The following CCDC146 variants were observed in gnomAD, a reference collection of about 807,000 sequenced individuals.
CCDC146 encodes coiled-coil domain containing 146, also known as coiled-coil domain-containing protein 146.
In CCDC146, 92 loss-of-function variants were observed where a neutral mutation model predicts 119.3. That is an observed-to-expected ratio of 0.77 (90% confidence interval 0.65 to 0.92). CCDC146 has a LOEUF of 0.92. CCDC146 is among the 40% of genes least tolerant of loss of function. The probability of loss-of-function intolerance (pLI) is 0.00; values close to 1 mark genes in which losing one functional copy is unlikely to be tolerated. For missense variants in CCDC146, 1,000 were observed against 1,103.0 expected (o/e 0.91, Z 1.32); for synonymous variants, 372 against 371.8 (o/e 1.00, Z -0.01).
chr7:77,144,207 G>A (rs1790980284), intron 1 of CCDC146, among the ~76,000 whole-genome samples: 3 of 151,360 alleles, frequency 2.0e-5, no homozygotes, highest in Admixed American at 1.3e-4. Context: ...TCATGATTTG[G>A]CTCTCTGTTT....
At chr7:77,159,671 G>T (rs1584032341) in intron 1 of CCDC146, among the ~76,000 whole-genome samples, 1 of 152,112 alleles carries the variant, frequency 6.6e-6, no homozygotes, top group Non-Finnish European at 1.5e-5. Flanking sequence ...TGGATAATAA[G>T]GAAGGTTTAT....
rs368720807 is a variant in CCDC146 at position 77,295,048 on chromosome 7, G to A, written c.*182G>A. The A allele has an allele frequency of 1.2e-5, 7 of 590,808 alleles. No homozygotes were observed. Among genetic ancestry groups the A allele is most frequent in the East Asian group, 2.8e-5 (1 of 35,512 alleles). The allele number at this position is 590,808 out of a possible 1,614,324, so 36.6% of individuals were successfully genotyped here. A position where few individuals can be genotyped will look rare whatever the true frequency, so the allele number is the denominator to read the frequency against. On this transcript the variant is annotated 3_prime_UTR_variant, in exon 19 of 19. Transcript: ENST00000285871. ...CACCAACTACTATACCTTTCATGACGTTGAATGGGACATAGAACTGTCCTA... is the reference window on the plus strand; with the variant it reads ...CACCAACTACTATACCTTTCATGACATTGAATGGGACATAGAACTGTCCTA...
chr7:77,217,672 T>C (rs933157663), intron 2 of CCDC146, among the ~76,000 whole-genome samples: 1 of 152,038 alleles, frequency 6.6e-6, no homozygotes, highest in Non-Finnish European at 1.5e-5. Flanking sequence ...ATTTAATCAT[T>C]GCGCAAACAT....
In CCDC146 at chr7:77,271,517, T is replaced by TAG. The variant is rs1793516565; in HGVS notation, c.1174-2176_1174-2175insGA. The stretch of plus-strand genomic sequence containing the variant: ...TATACACACACACTAATAGGAGATA[T>TAG]ATATATATATATATATATATATATA... On this transcript the variant is annotated intron_variant, in intron 9 of 18. Transcript: ENST00000285871. Among the ~76,000 whole-genome samples the TAG allele has an allele frequency of 0.02, 11 of 548 alleles. No individual in the cohort carries two copies. The South Asian group carries it at 0.25, about 12-fold the overall frequency. The allele number at this position is 548 out of a possible 152,430, so 0.4% of individuals were successfully genotyped here. A position where few individuals can be genotyped will look rare whatever the true frequency, so the allele number is the denominator to read the frequency against.
chr7:77,241,635 G>A, intron 3 of CCDC146, 56 bp from the exon 4 acceptor site: 2 of 1,482,820 alleles, frequency 1.3e-6, no homozygotes, highest in Non-Finnish European at 1.9e-6. Context: ...CCCCACAGGA[G>A]CCACCGAGGA....
intron 2 of CCDC146, among the ~76,000 whole-genome samples, chr7:77,188,401 T>C (rs559351899): frequency 1.9e-4 from 29 of 152,284 alleles, no homozygotes; most frequent in African/African-American, 5.1e-4. Context: ...AACTAAAGGT[T>C]TATAATCATA....
chr7:77,132,347 TA>T (rs576092244), intron 1 of CCDC146, among the ~76,000 whole-genome samples: 194 of 151,764 alleles, frequency 1.3e-3, no homozygotes, highest in African/African-American at 4.6e-3. Context: ...TCAAAATCAA[TA>T]ATATGGGAAA....
At chr7:77,136,406 A>G (rs1433208557) in intron 1 of CCDC146, among the ~76,000 whole-genome samples, 2 of 152,212 alleles carry the variant, frequency 1.3e-5, no homozygotes, top group African/African-American at 4.8e-5. Flanking sequence ...GAAAAAAGAC[A>G]GAAGACACAA....
intron 2 of CCDC146, among the ~76,000 whole-genome samples, chr7:77,174,223 A>G (rs1791468124): frequency 6.6e-6 from 1 of 152,228 alleles, no homozygotes; most frequent in Admixed American, 6.5e-5. Context: ...TGTGAGGTTC[A>G]TTAACAGCAT....
Position 77,142,917 on chromosome 7 carries a change from T to C in CCDC146, c.-12+20185T>C, listed in dbSNP as rs996320024. Among the ~76,000 whole-genome samples, 3 of 151,870 alleles carry C rather than the reference T, an allele frequency of 2.0e-5. 1 individual carries two copies. The highest frequency in any genetic ancestry group is 7.3e-5 in the African/African-American group (3 of 41,112). On this transcript the variant is annotated intron_variant, in intron 1 of 18. Coordinates refer to ENST00000285871, the MANE Select transcript of CCDC146 (RefSeq NM_020879.3). ...TATAGCAGCATGATTTATAATCCTT[T>C]GGGTATATACCCAGTAATGGGATGG... is the stretch of plus-strand genomic sequence containing the variant.
chr7:77,258,871 C>T, intron 6 of CCDC146, 124 bp from the exon 7 acceptor site: 1 of 648,482 alleles, frequency 1.5e-6, no homozygotes, highest in South Asian at 1.9e-5. Context: ...ATAATTAAAG[C>T]ACACAGGGCA....
chr7:77,208,304 A>G (rs1043349062), intron 2 of CCDC146, among the ~76,000 whole-genome samples: 1 of 152,184 alleles, frequency 6.6e-6, no homozygotes, highest in South Asian at 2.1e-4. Flanking sequence ...ATATTAGGCA[A>G]TTTCTCTGTT....
At chr7:77,234,981 A>G in intron 2 of CCDC146, among the ~76,000 whole-genome samples, 1 of 152,130 alleles carries the variant, frequency 6.6e-6, no homozygotes, top group East Asian at 1.9e-4. Flanking sequence ...TGCATTTAAC[A>G]TTTTTCTACC....
intron 15 of CCDC146, among the ~76,000 whole-genome samples, chr7:77,283,540 C>T (rs1471945583): frequency 1.3e-5 from 2 of 150,764 alleles, no homozygotes; most frequent in Non-Finnish European, 3.0e-5. Context: ...ATTTTTTTTC[C>T]TGATAAAAAG....
intron 14 of CCDC146, among the ~76,000 whole-genome samples, chr7:77,281,640 T>A (rs1039699903): frequency 3.9e-5 from 6 of 152,242 alleles, no homozygotes; most frequent in Non-Finnish European, 7.3e-5. Flanking sequence ...GAACTTGATC[T>A]TGAGCCTTTG....
chr7:77,123,971 A>G (rs182348738), intron 1 of CCDC146, among the ~76,000 whole-genome samples: 2 of 152,304 alleles, frequency 1.3e-5, no homozygotes, highest in East Asian at 1.9e-4. Context: ...TCTTCAAACT[A>G]TTTTTTATGA....
intron 9 of CCDC146, among the ~76,000 whole-genome samples, chr7:77,267,895 C>A (rs748889827): frequency 2.0e-5 from 3 of 152,142 alleles, no homozygotes; most frequent in Non-Finnish European, 4.4e-5. Context: ...GAAATCTCTT[C>A]TAAGCCTCAT....
intron 11 of CCDC146, among the ~76,000 whole-genome samples, chr7:77,277,140 A>G (rs1230403272): frequency 6.6e-6 from 1 of 151,928 alleles, no homozygotes; most frequent in Non-Finnish European, 1.5e-5. Flanking sequence ...AGGAAGAAGA[A>G]AGCCATCTTC....
chr7:77,171,279 A>G (rs1791417000), intron 2 of CCDC146, among the ~76,000 whole-genome samples: 1 of 152,184 alleles, frequency 6.6e-6, no homozygotes, highest in Non-Finnish European at 1.5e-5. Context: ...GTTGAGATAT[A>G]GCCCACTTGT....
Sources: allele counts gnomAD v4.1 joint callset (sites outside exome capture counted in the v4.1 genomes callset), GRCh38; gene constraint gnomAD v4.1.1; transcripts MANE v1.5; gene names NCBI Gene and HGNC (gene_info 2026-07-23, HGNC 2026-07-21).